Variants in TRAK1 observed in about 807,000 individuals in gnomAD.
The protein encoded by TRAK1 is trafficking kinesin-binding protein 1.
TRAK1 carries 33 observed loss-of-function variants against 92.1 expected under a neutral mutation model. The observed-to-expected ratio is 0.36, with a 90% CI of 0.27 to 0.48. The LOEUF is 0.48. Ranked by LOEUF, TRAK1 falls within the 20% of genes least tolerant of loss-of-function variation. The pLI is 0.99. For synonymous variants in TRAK1, 521 were observed against 517.3 expected, an observed-to-expected ratio of 1.01 and a Z score of -0.10; for missense variants, 1,123 against 1,257.9, an observed-to-expected ratio of 0.89 and a Z score of 1.62.
rs554729216 is a variant in TRAK1 at position 42,160,297 on chromosome 3, G to A, written c.287-16517G>A. ...GGCCTGCATGGCTCCTCTGGGTAGG[G>A]GGTCGGGGGCACCCCCAAGGATGGT... On this transcript the variant is annotated intron_variant, in intron 2 of 15. Coordinates refer to ENST00000327628, the MANE Select transcript of TRAK1 (RefSeq NM_001042646.3). The A allele has an allele frequency of 3.5e-4, 560 of 1,592,306 alleles. 1 individual carries two copies. The highest frequency in any genetic ancestry group is 4.5e-4 in the Non-Finnish European group (524 of 1,167,158).
chr3:42,218,008 T>A (rs1222299849), intron 14 of TRAK1: 35 of 985,358 alleles, frequency 3.6e-5, no homozygotes, highest in Non-Finnish European at 4.0e-5. Flanking sequence ...GAGAGTTTTC[T>A]CCTGTGGCCG....
At chr3:42,025,731 C>G (rs1423734149) in intron 1 of TRAK1, among the ~76,000 whole-genome samples, 2 of 152,148 alleles carry the variant, frequency 1.3e-5, no homozygotes, top group African/African-American at 2.4e-5. Context: ...CCTTCTCTCT[C>G]TGGAGAATCT....
chr3:42,194,990 C>T (rs41289570), intron 10 of TRAK1, 49 bp downstream of exon 10: 95,162 of 1,601,226 alleles, frequency 0.059, 3,081 homozygotes, highest in Middle Eastern at 0.074. Context: ...GTTCTGGTGA[C>T]AGGAGCACAG....
intron 2 of TRAK1, among the ~76,000 whole-genome samples, chr3:42,173,644 G>A (rs942014231): frequency 7.2e-5 from 11 of 152,094 alleles, no homozygotes; most frequent in African/African-American, 2.7e-4. Context: ...GTCCTTTATG[G>A]TCTTCCGTTT....
At chr3:42,175,036 G>C (rs533762986) in intron 2 of TRAK1, among the ~76,000 whole-genome samples, 119 of 152,224 alleles carry the variant, frequency 7.8e-4, no homozygotes, top group African/African-American at 2.7e-3. Flanking sequence ...ACAGATAATA[G>C]AGCCAGGTTA....
At chr3:42,214,417 A>G (rs1275337397) in intron 14 of TRAK1, among the ~76,000 whole-genome samples, 1 of 152,208 alleles carries the variant, frequency 6.6e-6, no homozygotes, top group East Asian at 1.9e-4. Flanking sequence ...AAGAGGACAG[A>G]GGGTATAGGG....
chr3:42,041,324 T>C (rs188939164), intron 1 of TRAK1, among the ~76,000 whole-genome samples: 6 of 152,284 alleles, frequency 3.9e-5, no homozygotes, highest in African/African-American at 1.4e-4. Flanking sequence ...TACAAATCTT[T>C]TACTTCTTTT....
intron 1 of TRAK1, among the ~76,000 whole-genome samples, chr3:42,115,180 A>G (rs1709015605): frequency 6.6e-6 from 1 of 152,240 alleles, no homozygotes; most frequent in Non-Finnish European, 1.5e-5. Flanking sequence ...TTTCACGTTT[A>G]AAATAAATTT....
upstream of TRAK1, among the ~76,000 whole-genome samples, chr3:42,090,775 T>C (rs116165581): frequency 4.7e-3 from 715 of 152,256 alleles, 4 homozygotes; most frequent in African/African-American, 0.016. Context: ...TGTGGTGACT[T>C]GGGGGTTCTT....
At chr3:42,189,271 C>G (rs1027751267) in intron 6 of TRAK1, 147 bp downstream of exon 6, 5 of 634,840 alleles carry the variant, frequency 7.9e-6, no homozygotes, top group Non-Finnish European at 1.4e-5. Context: ...TGTGCCTCCT[C>G]TATGCTCTGG....
At chr3:42,107,697 T>C (rs1484341417) in intron 1 of TRAK1, among the ~76,000 whole-genome samples, 1 of 152,070 alleles carries the variant, frequency 6.6e-6, no homozygotes, top group Non-Finnish European at 1.5e-5. Flanking sequence ...CTGTAACCTC[T>C]TGGTCTGTTA....
chr3:42,174,933 A>G (rs1472493334), intron 2 of TRAK1, among the ~76,000 whole-genome samples: 4 of 151,974 alleles, frequency 2.6e-5, no homozygotes, highest in African/African-American at 9.7e-5. Flanking sequence ...GAATAATTAC[A>G]GTTACCTTAA....
At chr3:42,119,687 A>G (rs1264271826) in intron 1 of TRAK1, among the ~76,000 whole-genome samples, 1 of 152,222 alleles carries the variant, frequency 6.6e-6, no homozygotes, top group Non-Finnish European at 1.5e-5. Flanking sequence ...ACAGACGGAA[A>G]GGGCATGACT....
At chr3:42,168,374 C>T (rs993126343) in intron 2 of TRAK1, among the ~76,000 whole-genome samples, 4 of 152,154 alleles carry the variant, frequency 2.6e-5, no homozygotes, top group East Asian at 1.9e-4. Context: ...TGGCATGGTT[C>T]GGGGATGCTT....
chr3:42,046,455 A>G (rs963090981), intron 1 of TRAK1, among the ~76,000 whole-genome samples: 2 of 151,938 alleles, frequency 1.3e-5, no homozygotes, highest in Non-Finnish European at 2.9e-5. Context: ...ACGGCAGGGT[A>G]GAGTTAGAGG....
chr3:42,184,345 G>A (rs1195168905), intron 3 of TRAK1, among the ~76,000 whole-genome samples: 1 of 152,238 alleles, frequency 6.6e-6, no homozygotes, highest in Non-Finnish European at 1.5e-5. Context: ...CAGCCCTCAG[G>A]TGGAGAGACA....
intron 2 of TRAK1, among the ~76,000 whole-genome samples, chr3:42,169,275 C>G (rs941781777): frequency 4.0e-5 from 6 of 151,590 alleles, no homozygotes; most frequent in Non-Finnish European, 7.4e-5. Flanking sequence ...TGGGTTCATA[C>G]TATAGCATGC....
intron 1 of TRAK1, among the ~76,000 whole-genome samples, chr3:42,044,975 T>G (rs192069444): frequency 2.0e-3 from 304 of 152,310 alleles, no homozygotes; most frequent in African/African-American, 6.7e-3. Context: ...AAAGATTTGT[T>G]TTTTTTCCTA....
intron 1 of TRAK1, among the ~76,000 whole-genome samples, chr3:42,048,146 A>T (rs1359761630): frequency 6.6e-6 from 1 of 152,022 alleles, no homozygotes; most frequent in Non-Finnish European, 1.5e-5. Context: ...TAAGAACTTG[A>T]TATGTATGTT....
Sources: allele counts gnomAD v4.1 joint callset (sites outside exome capture counted in the v4.1 genomes callset), GRCh38; gene constraint gnomAD v4.1.1; transcripts MANE v1.5; gene names NCBI Gene and HGNC (gene_info 2026-07-23, HGNC 2026-07-21).